SUGCT: variants seen among roughly 807,000 people sequenced by gnomAD.
SUGCT encodes the protein succinyl-CoA:glutarate-CoA transferase, also known as succinyl-CoA:glutarate CoA-transferase.
SUGCT carries 41 observed loss-of-function variants against 55.0 expected under a neutral mutation model. That is an observed-to-expected ratio of 0.74 (90% CI 0.58 to 0.97). SUGCT has a LOEUF of 0.97. Ranked by LOEUF, SUGCT falls within the 50% of genes least tolerant of loss-of-function variation. The probability of loss-of-function intolerance (pLI) is 0.00; values close to 1 mark genes in which losing one functional copy is unlikely to be tolerated. For synonymous variants in SUGCT, 187 were observed against 200.4 expected, an observed-to-expected ratio of 0.93 and a Z score of 0.56; for missense variants, 568 against 547.8, an observed-to-expected ratio of 1.04 and a Z score of -0.37.
rs368571319 is a variant in SUGCT, at chr7:40,659,816, C to T, written c.1090-89618C>T. On this transcript the variant is annotated intron_variant, in intron 12 of 13. Transcript: ENST00000335693. ...GTGAGGGACACCATCACTTTCTCCTCCTTAGATATACTCTACTACTCTACT... is the reference window on the plus strand; with the variant it reads ...GTGAGGGACACCATCACTTTCTCCTTCTTAGATATACTCTACTACTCTACT... Among the ~76,000 whole-genome samples the T allele has an allele frequency of 2.8e-4, 43 of 152,270 alleles. No homozygotes were observed. The East Asian group carries it at 7.7e-3, about 27-fold the overall frequency.
At chr7:40,592,293 T>C (rs903848355) in intron 12 of SUGCT, among the ~76,000 whole-genome samples, 1 of 152,200 alleles carries the variant, frequency 6.6e-6, no homozygotes, top group Non-Finnish European at 1.5e-5. Context: ...GTCTCTCTTA[T>C]TATTTTGTGG....
At chr7:40,988,597 GA>G in the SUGCT span, among the ~76,000 whole-genome samples, 23 of 151,876 alleles carry the variant, frequency 1.5e-4, no homozygotes, top group Admixed American at 3.9e-4. Context: ...TACTGCTATA[GA>G]AAAAAAGTGT....
chr7:40,225,859 T>G (rs1180914508), intron 6 of SUGCT, among the ~76,000 whole-genome samples: 1 of 152,178 alleles, frequency 6.6e-6, no homozygotes, highest in Admixed American at 6.5e-5. Flanking sequence ...GGTAAGGCAC[T>G]TAGTCTTTCA....
chr7:40,572,024 C>A (rs780005086), intron 12 of SUGCT, among the ~76,000 whole-genome samples: 1 of 152,116 alleles, frequency 6.6e-6, no homozygotes, highest in Admixed American at 6.6e-5. Context: ...CAGGGATGGA[C>A]GAGTGGAAGG....
intron 12 of SUGCT, among the ~76,000 whole-genome samples, chr7:40,579,952 A>C (rs1796986765): frequency 6.6e-6 from 1 of 152,136 alleles, no homozygotes; most frequent in African/African-American, 2.4e-5. Flanking sequence ...GTTTATTCTA[A>C]GATTAAAGAG....
At chr7:40,646,669 T>G (rs1025304589) in intron 12 of SUGCT, among the ~76,000 whole-genome samples, 3 of 152,144 alleles carry the variant, frequency 2.0e-5, no homozygotes, top group African/African-American at 4.8e-5. Flanking sequence ...ATCCTTGAAG[T>G]TTTTAATTTA....
chr7:40,282,301 C>G (rs1272399321), intron 8 of SUGCT, among the ~76,000 whole-genome samples: 5 of 151,866 alleles, frequency 3.3e-5, no homozygotes, highest in Non-Finnish European at 7.4e-5. Flanking sequence ...AACTCCATCT[C>G]TACTAAAAAT....
chr7:40,882,188 A>C, the SUGCT span, among the ~76,000 whole-genome samples: 17,156 of 152,214 alleles, frequency 0.11, 1,134 homozygotes, highest in Admixed American at 0.17. Context: ...AAAATCCATT[A>C]ATTTATGAAG....
chr7:40,907,313 ATCCC>A, the SUGCT span, among the ~76,000 whole-genome samples: 1 of 152,150 alleles, frequency 6.6e-6, no homozygotes, highest in Non-Finnish European at 1.5e-5. Context: ...AGAAATCAAC[ATCCC>A]TGAAACATAA....
At position 40,189,072 on chromosome 7, in the gene SUGCT, G is replaced by T. The variant is rs967660197; in HGVS notation, c.313-472G>T. On this transcript the variant is annotated intron_variant, in intron 4 of 13. Coordinates refer to ENST00000335693, the MANE Select transcript of SUGCT (RefSeq NM_001193313.2). ...AAGAAGAACTTTCATGGCTGGGCAC[G>T]GTGGCTCATGCCTTTAATCCCAGCA... Among the ~76,000 whole-genome samples, 4 of 152,150 alleles carry T rather than the reference G, an allele frequency of 2.6e-5. No homozygotes were observed. In the East Asian group the frequency reaches 7.7e-4, roughly 29 times the overall value.
intron 8 of SUGCT, among the ~76,000 whole-genome samples, chr7:40,284,520 A>G (rs1183519144): frequency 6.7e-6 from 1 of 150,002 alleles, no homozygotes; most frequent in Non-Finnish European, 1.5e-5. Flanking sequence ...AGGCAGGAGA[A>G]TTGCTTGAAC....
At chr7:40,811,819 G>C (rs1791434333) in intron 13 of SUGCT, among the ~76,000 whole-genome samples, 1 of 152,144 alleles carries the variant, frequency 6.6e-6, no homozygotes, top group Non-Finnish European at 1.5e-5. Flanking sequence ...GGAGTGGTGA[G>C]AGTAGACATC....
intron 12 of SUGCT, among the ~76,000 whole-genome samples, chr7:40,497,052 G>T (rs552617385): frequency 6.6e-6 from 1 of 152,158 alleles, no homozygotes; most frequent in Non-Finnish European, 1.5e-5. Flanking sequence ...ATAATGTTTT[G>T]ATTTTATTAC....
At chr7:40,585,467 A>G (rs1434038769) in intron 12 of SUGCT, among the ~76,000 whole-genome samples, 1 of 152,182 alleles carries the variant, frequency 6.6e-6, no homozygotes, top group Admixed American at 6.5e-5. Flanking sequence ...AGACAAATCT[A>G]GGAAGAACAT....
chr7:40,595,801 CTT>C (rs1797984067), intron 12 of SUGCT, among the ~76,000 whole-genome samples: 2 of 152,144 alleles, frequency 1.3e-5, no homozygotes, highest in Admixed American at 6.5e-5. Context: ...GGTTCAGACT[CTT>C]TACACTGTGA....
intron 9 of SUGCT, among the ~76,000 whole-genome samples, chr7:40,318,705 G>C (rs1795564562): frequency 6.6e-6 from 1 of 152,210 alleles, no homozygotes; most frequent in Non-Finnish European, 1.5e-5. Flanking sequence ...CCAAAGTACT[G>C]GGATTACAGG....
At chr7:40,445,312 G>A (rs1319010597) in intron 9 of SUGCT, among the ~76,000 whole-genome samples, 10 of 151,850 alleles carry the variant, frequency 6.6e-5, no homozygotes, top group Admixed American at 3.3e-4. Context: ...ATGATAAAGG[G>A]GATATCACCA....
chr7:40,143,146 G>A (rs552237524), intron 1 of SUGCT, among the ~76,000 whole-genome samples: 9 of 152,246 alleles, frequency 5.9e-5, no homozygotes, highest in South Asian at 2.1e-4. Context: ...AGGGATAGCC[G>A]ATTGGACTAG....
chr7:40,514,627 A>G (rs1391967185), intron 12 of SUGCT, among the ~76,000 whole-genome samples: 2 of 148,538 alleles, frequency 1.3e-5, no homozygotes, highest in African/African-American at 4.9e-5. Context: ...GGAGAATAGC[A>G]TGAACCCGGG....
Sources: gnomAD v4.1 joint callset for allele counts (sites outside exome capture counted in the v4.1 genomes callset) on GRCh38, gnomAD v4.1.1 for gene constraint, MANE v1.5 for transcripts, NCBI Gene and HGNC (gene_info 2026-07-23, HGNC 2026-07-21) for gene names.